IFT81: variants seen among roughly 807,000 people sequenced by gnomAD.
IFT81 encodes intraflagellar transport 81.
Under a neutral mutation model 102.6 loss-of-function variants are expected in IFT81, and 72 were observed. That is an observed-to-expected ratio of 0.70 (90% CI 0.58 to 0.85). The LOEUF is 0.85. IFT81 is among the 40% of genes least tolerant of loss of function. The pLI, the probability that IFT81 is intolerant of heterozygous loss-of-function variation, is 0.00. For synonymous variants in IFT81, 237 were observed against 242.7 expected, an observed-to-expected ratio of 0.98 and a Z score of 0.22; for missense variants, 723 against 787.3, an observed-to-expected ratio of 0.92 and a Z score of 0.98.
In IFT81 at chr12:110,136,831, G is replaced by A. The variant is rs371719981; in HGVS notation, c.752G>A (p.Arg251His). Reference sequence around the variant, plus strand: ...GTACAAAACCAGCTGAAAAGCATGCGCCAAGCTGCAGCAGATGCAAAGCCT... The same window carrying A: ...GTACAAAACCAGCTGAAAAGCATGCACCAAGCTGCAGCAGATGCAAAGCCT... ...QRVQNQLKSM[R>H]QAAADAKPES... The change falls in exon 8 of 19, where the codon CGC (arginine) becomes CAC (histidine). Residue 251 changes from arginine (R) to histidine (H), a missense_variant. Arg to His is a conservative substitution (Grantham distance 29). Transcript: ENST00000242591. 1.3e-5 allele frequency: 21 copies of A among 1,611,650 alleles called. No individual in the cohort carries two copies. The highest frequency in any genetic ancestry group is 2.2e-5 in the South Asian group (2 of 90,846).
chr12:110,215,453 CTTTTTTTTTT>C (rs556887393), intron 18 of IFT81, among the ~76,000 whole-genome samples: 9 of 61,936 alleles, frequency 1.5e-4, no homozygotes, highest in African/African-American at 2.5e-4. Context: ...TCTTCTTCTT[CTTTTTTTTTT>C]TTTTTTTTTT....
intron 18 of IFT81, among the ~76,000 whole-genome samples, chr12:110,213,099 C>G (rs1450014001): frequency 6.6e-6 from 1 of 151,886 alleles, no homozygotes; most frequent in Non-Finnish European, 1.5e-5. Context: ...ATTATCCTAC[C>G]GAAAAGAATT....
At chr12:110,145,121 C>A (rs1895143461) in intron 9 of IFT81, among the ~76,000 whole-genome samples, 1 of 148,452 alleles carries the variant, frequency 6.7e-6, no homozygotes, top group East Asian at 2.0e-4. Flanking sequence ...CAGCCTCCAT[C>A]TCCCAGGCTC....
At chr12:110,196,383 G>C (rs1164819080) in intron 14 of IFT81, among the ~76,000 whole-genome samples, 1 of 152,188 alleles carries the variant, frequency 6.6e-6, no homozygotes, top group Non-Finnish European at 1.5e-5. Flanking sequence ...AGCCAGCTAT[G>C]GTGGCACACA....
intron 10 of IFT81, among the ~76,000 whole-genome samples, chr12:110,162,094 T>C (rs555631781): frequency 5.3e-5 from 8 of 152,312 alleles, no homozygotes; most frequent in African/African-American, 1.4e-4. Context: ...CTGCATTTTA[T>C]TTATTAGAAT....
rs560890115 is a variant in IFT81, at chr12:110,188,286, C to T, written c.1339-2634C>T. 3.3e-5 allele frequency among the ~76,000 whole-genome samples: 5 copies of T among 150,348 alleles called. No homozygotes were observed. In the East Asian group the frequency reaches 5.9e-4, roughly 18 times the overall value. ...GGCGGAGGTTGCAGTGAGCCGAGAT[C>T]GTGCCACTGCACTCCAGCCTGAGCG... On this transcript the variant is annotated intron_variant, in intron 12 of 18. Coordinates refer to ENST00000242591, the MANE Select transcript of IFT81 (RefSeq NM_014055.4).
chr12:110,162,545 C>T, intron 10 of IFT81: 1 of 164,024 alleles, frequency 6.1e-6, no homozygotes, highest in South Asian at 1.6e-4. Context: ...CCATGTTGGT[C>T]AGGCTCTTTT....
At chr12:110,135,461 C>T (rs778444554) in intron 7 of IFT81, 24 bp downstream of exon 7, 1 of 1,366,280 alleles carries the variant, frequency 7.3e-7, no homozygotes, top group Non-Finnish European at 1.0e-6. Context: ...AGTTTATATT[C>T]TCAGTATGAA....
At position 110,209,222 on chromosome 12, in the gene IFT81, A is replaced by T. The variant is rs1566172325; in HGVS notation, c.1848+6A>T. 6.8e-7 allele frequency: 1 copy of T among 1,472,346 alleles called. No individual in the cohort carries two copies. Among genetic ancestry groups the T allele is most frequent in the Non-Finnish European group, 9.5e-7 (1 of 1,057,734 alleles). 91.2% of individuals were successfully genotyped at this position (1,472,346 alleles called of 1,614,324 possible). A position where few individuals can be genotyped will look rare whatever the true frequency, so the allele number is the denominator to read the frequency against. Reference sequence around the variant, plus strand: ...AACAAGAAAACCTTGGAAAGGTAAGAATTATTATTTATTTTTTTAAATGTG... The same window carrying T: ...AACAAGAAAACCTTGGAAAGGTAAGTATTATTATTTATTTTTTTAAATGTG... On this transcript the variant is annotated splice_donor_region_variant and intron_variant, in intron 18 of 18. Coordinates refer to ENST00000242591, the MANE Select transcript of IFT81 (RefSeq NM_014055.4).
chr12:110,146,140 A>ATTAGGG (rs1267764484), intron 9 of IFT81, among the ~76,000 whole-genome samples: 1 of 152,142 alleles, frequency 6.6e-6, no homozygotes, highest in Admixed American at 6.6e-5. Flanking sequence ...ATGTCACAGA[A>ATTAGGG]TTAGGGTTAG....
intron 17 of IFT81, among the ~76,000 whole-genome samples, chr12:110,208,500 T>G (rs1323317321): frequency 6.6e-6 from 1 of 152,108 alleles, no homozygotes; most frequent in Non-Finnish European, 1.5e-5. Flanking sequence ...AGTGAGACCT[T>G]GTCTCAAAGG....
chr12:110,158,102 C>A (rs954847506), intron 10 of IFT81, among the ~76,000 whole-genome samples: 19 of 151,932 alleles, frequency 1.3e-4, no homozygotes, highest in African/African-American at 4.3e-4. Flanking sequence ...GACAGAGTAT[C>A]ACTCCATTGT....
chr12:110,197,050 T>A (rs1238225104), intron 14 of IFT81, among the ~76,000 whole-genome samples: 1 of 151,884 alleles, frequency 6.6e-6, no homozygotes, highest in East Asian at 1.9e-4. Flanking sequence ...AGTAAAAAAA[T>A]TAGCTGAGCA....
chr12:110,126,083 C>T (rs1001808439), intron 1 of IFT81, among the ~76,000 whole-genome samples: 2 of 152,114 alleles, frequency 1.3e-5, no homozygotes, highest in Non-Finnish European at 2.9e-5. Flanking sequence ...TCCAGACCAT[C>T]CTGGCTAACA....
rs561311039 is a variant in IFT81 at position 110,199,547 on chromosome 12, C to T, written c.1558-4317C>T. 4.5e-4 allele frequency among the ~76,000 whole-genome samples: 68 copies of T among 151,858 alleles called. 1 individual carries two copies. The highest frequency in any genetic ancestry group is 6.3e-3 in the Middle Eastern group (2 of 316). On this transcript the variant is annotated intron_variant, in intron 14 of 18. Transcript: ENST00000242591. The stretch of plus-strand genomic sequence containing the variant: ...TCCGTTTGACCATAAGATTTGCGAC[C>T]AAAAAAAGGATTTTATCAACTATAG...
intron 12 of IFT81, among the ~76,000 whole-genome samples, chr12:110,187,740 G>A (rs1897598795): frequency 6.6e-6 from 1 of 151,972 alleles, no homozygotes; most frequent in African/African-American, 2.4e-5. Context: ...TCAAGTTGAG[G>A]GTAGCTTTTT....
chr12:110,160,219 TCA>T (rs930485258), intron 10 of IFT81, among the ~76,000 whole-genome samples: 3 of 152,168 alleles, frequency 2.0e-5, no homozygotes, highest in African/African-American at 4.8e-5. Flanking sequence ...GAGAATTGGC[TCA>T]CACAGTTACA....
At chr12:110,158,069 T>TTTTTA (rs1242253285) in intron 10 of IFT81, among the ~76,000 whole-genome samples, 5 of 152,068 alleles carry the variant, frequency 3.3e-5, no homozygotes, top group Admixed American at 1.3e-4. Flanking sequence ...TTTATTTTTA[T>TTTTTA]TTTTATTTTA....
chr12:110,143,564 T>C lies in IFT81; in HGVS notation c.945+19T>C, dbSNP rs1895022398. ...ATCTAAAGTAAGTGAGAATCATCTT[T>C]TTATAGCTCTCAATTTTATCTGATC... On this transcript the variant is annotated intron_variant, in intron 9 of 18. Transcript: ENST00000242591. The C allele has an allele frequency of 1.3e-6, 2 of 1,523,244 alleles. No homozygotes were observed. Among genetic ancestry groups the C allele is most frequent in the African/African-American group, 1.4e-5 (1 of 69,622 alleles). 94.4% of individuals were successfully genotyped at this position (1,523,244 alleles called of 1,614,324 possible). A position where few individuals can be genotyped will look rare whatever the true frequency, so the allele number is the denominator to read the frequency against.
Sources: allele counts gnomAD v4.1 joint callset (sites outside exome capture counted in the v4.1 genomes callset), GRCh38; gene constraint gnomAD v4.1.1; transcripts MANE v1.5; gene names NCBI Gene and HGNC (gene_info 2026-07-23, HGNC 2026-07-21).